The following JAG2 variants were observed in gnomAD, a reference collection of about 807,000 sequenced individuals.
JAG2 encodes jagged canonical Notch ligand 2, also known as protein jagged-2.
In JAG2, 46 loss-of-function variants were observed where a neutral mutation model predicts 141.7. The observed-to-expected ratio is 0.32, with a 90% CI of 0.26 to 0.42. The LOEUF (loss-of-function observed/expected upper bound fraction) is 0.42. Among genes scored for constraint, JAG2 ranks in the 10% least tolerant of loss-of-function variants. The pLI, the probability that JAG2 is intolerant of heterozygous loss-of-function variation, is 1.00. For missense variants in JAG2, 1,500 were observed against 1,817.5 expected, an observed-to-expected ratio of 0.83 and a Z score of 3.18; for synonymous variants, 862 against 763.5, an observed-to-expected ratio of 1.13 and a Z score of -2.13.
intron 24 of JAG2, among the ~76,000 whole-genome samples, 162 bp downstream of exon 24, chr14:105,144,768 G>A (rs1019710508): frequency 2.0e-5 from 3 of 152,200 alleles, no homozygotes; most frequent in East Asian, 3.8e-4. Flanking sequence ...GCAGTTCCAC[G>A]GGTCTGCGGC....
chr14:105,147,149 TA>T lies in JAG2; in HGVS notation c.2479+176del, dbSNP rs587725877. 302 of 656,384 alleles carry T rather than the reference TA, an allele frequency of 4.6e-4. 5 individuals carry two copies. The highest frequency in any genetic ancestry group is 4.5e-3 in the African/African-American group (254 of 56,364). The allele number at this position is 656,384 out of a possible 1,614,324, so 40.7% of individuals were successfully genotyped here. On this transcript the variant is annotated intron_variant, in intron 20 of 25. Coordinates refer to ENST00000331782, the MANE Select transcript of JAG2 (RefSeq NM_002226.5). ...CTCCCCACTTAATCACTTGGCAGGG[TA>T]TACAGCAGGAACCCCACAGGGCACA...
At position 105,143,117 on chromosome 14, in the gene JAG2, C is replaced by T. The variant is rs761606083; in HGVS notation, c.3295G>A (p.Val1099Met). ...CGTGTCCACCACACGCACAGGACCA[C>T]GCACGCCAGCCACAGCACGCTGAAG... is the stretch of plus-strand genomic sequence containing the variant. The part of the protein sequence containing the change: ...GAFSVLWLAC[V>M]VLCVWWTRKR... Residue 1099 changes from valine to methionine, a missense_variant, in exon 26 of 26, where the codon GTG (valine) becomes ATG (methionine). Around this residue, in one of 3 missense-constraint regions of JAG2, gnomAD observed 425 missense variants for 441.0 expected, o/e 0.96. Coordinates refer to ENST00000331782, the MANE Select transcript of JAG2 (RefSeq NM_002226.5). 24 of 1,598,824 alleles carry T rather than the reference C, an allele frequency of 1.5e-5. No individual in the cohort carries two copies. Among genetic ancestry groups the T allele is most frequent in the South Asian group, 4.4e-5 (4 of 91,064 alleles).
chr14:105,168,385 C>T lies in JAG2; in HGVS notation c.36G>A (p.Arg12=). The change falls in exon 1 of 26, where the codon CGG becomes CGA. Residue 12 remains arginine, a synonymous_variant. Coordinates refer to ENST00000331782, the MANE Select transcript of JAG2 (RefSeq NM_002226.5). ...CCCAGAGCGCCAGCAGCAGCAGCAG[C>T]CGCCGGGGAAGGCGCCCCCGGCCCT... ...RAQGRGRLPR[R]LLLLLALWVQ... 1 of 1,034,078 alleles carries T rather than the reference C, an allele frequency of 9.7e-7. No individual in the cohort carries two copies. Among genetic ancestry groups the T allele is most frequent in the African/African-American group, 1.7e-5 (1 of 57,428 alleles). 64.1% of individuals were successfully genotyped at this position (1,034,078 alleles called of 1,614,324 possible).
Position 105,151,984 on chromosome 14 carries a change from G to C in JAG2, c.993C>G (p.Tyr331Ter). The C allele has an allele frequency of 6.2e-7, 1 of 1,613,380 alleles. No homozygotes were observed. The highest frequency in any genetic ancestry group is 8.5e-7 in the Non-Finnish European group (1 of 1,180,004). ...AGTAGCCGTCAGGGCAGGTGCAGCG[G>C]TACTGGTCAGGCTCGGCGTTGATGC... Reference protein sequence around the residue: ...GTCINAEPDQYRCTCPDGYSG... With the variant: ...GTCINAEPDQ Residue 331 changes from tyrosine (Y) to a stop codon, truncating the protein, a stop_gained, in exon 7 of 26, where the codon TAC becomes TAG. Transcript: ENST00000331782. LOFTEE classifies it high-confidence loss of function.
intron 2 of JAG2, among the ~76,000 whole-genome samples, chr14:105,166,606 G>C (rs1435633591): frequency 6.6e-6 from 1 of 152,214 alleles, no homozygotes; most frequent in Non-Finnish European, 1.5e-5. Flanking sequence ...TCAGGAAGCG[G>C]TGAGGATGGG....
chr14:105,154,175 C>T lies in JAG2; in HGVS notation c.788+1387G>A, dbSNP rs889930465. ...CAACTCAGCTGGTTCCCAAACTCCC[C>T]GACTCCTCTCCAAAACGCCACGCTG... is the stretch of plus-strand genomic sequence containing the variant. On this transcript the variant is annotated intron_variant, in intron 5 of 25. Coordinates refer to ENST00000331782, the MANE Select transcript of JAG2 (RefSeq NM_002226.5). The surrounding 1 kb of genome is among the most constrained non-coding windows in gnomAD (Gnocchi z 4.4). 1.3e-5 allele frequency among the ~76,000 whole-genome samples: 2 copies of T among 152,184 alleles called. No homozygotes were observed. The highest frequency in any genetic ancestry group is 2.1e-4 in the South Asian group (1 of 4,830).
chr14:105,162,701 G>A (rs1566770235), intron 2 of JAG2, among the ~76,000 whole-genome samples: 2 of 34,746 alleles, frequency 5.8e-5, no homozygotes, highest in Non-Finnish European at 1.3e-4. Context: ...CCAAAGTACA[G>A]AGTACCCTCC....
At position 105,147,804 on chromosome 14, in the gene JAG2, C is replaced by T. The variant is rs764502347; in HGVS notation, c.2333G>A (p.Arg778Gln). ...GCAAGTACGACCCTCCCAGCCGTCC[C>T]GGCAGATGCAGGAGAAGGAGGCCCC... ...GSGASFSCIC[R>Q]DGWEGRTCTH... Residue 778 changes from arginine (R) to glutamine (Q), a missense_variant, in exon 18 of 26, where the codon CGG becomes CAG. By Grantham distance (43) the Arg-to-Gln change is conservative. Coordinates refer to ENST00000331782, the MANE Select transcript of JAG2 (RefSeq NM_002226.5). 2.7e-5 allele frequency: 42 copies of T among 1,549,202 alleles called. No individual in the cohort carries two copies. The highest frequency in any genetic ancestry group is 1.3e-4 in the South Asian group (11 of 84,012).
rs1888255826 is a variant in JAG2 at position 105,147,351 on chromosome 14, G to A, written c.2454C>T (p.Gly818=). 1 of 1,574,570 alleles carries A rather than the reference G, an allele frequency of 6.4e-7. No individual in the cohort carries two copies. The highest frequency in any genetic ancestry group is 8.6e-7 in the Non-Finnish European group (1 of 1,160,550). The change falls in exon 20 of 26, where the codon GGC becomes GGT. Residue 818 remains glycine (G), a synonymous_variant. Transcript: ENST00000331782. The part of the protein sequence containing the change: ...VNWFRCECAP[G]FAGPDCRINI... ...TGATGCGGCAGTCAGGCCCCGCGAA[G>A]CCAGGTGCACACTCGCAGCGGAACC...
intron 2 of JAG2, among the ~76,000 whole-genome samples, chr14:105,163,858 C>A (rs1888832173): frequency 6.6e-6 from 1 of 150,390 alleles, no homozygotes; most frequent in Non-Finnish European, 1.5e-5. Context: ...GGTCTGGGGA[C>A]AGGGACCCCG....
chr14:105,142,794 G>C lies in JAG2; in HGVS notation c.3618C>G (p.Gly1206=). 6.2e-7 allele frequency: 1 copy of C among 1,610,774 alleles called. No individual in the cohort carries two copies. Reference sequence around the variant, plus strand: ...AGTGGGCCGGCCTCCCCGGCGAGCGGCCAGGATCTTTGGTGAATTTGTGTG... The same window carrying C: ...AGTGGGCCGGCCTCCCCGGCGAGCGCCCAGGATCTTTGGTGAATTTGTGTG... ...FLSHKFTKDP[G]RSPGRPAHWA... The change falls in exon 26 of 26, where the codon GGC becomes GGG. Residue 1206 remains glycine, a synonymous_variant. Coordinates refer to ENST00000331782, the MANE Select transcript of JAG2 (RefSeq NM_002226.5).
chr14:105,144,805 C>G (rs1566759024), intron 24 of JAG2, 125 bp downstream of exon 24: 9 of 1,270,368 alleles, frequency 7.1e-6, no homozygotes, highest in Admixed American at 2.0e-5. Flanking sequence ...CGCAGGGAGA[C>G]AGGCCTGCCC....
At chr14:105,157,898 C>T (rs1241109583) in intron 2 of JAG2, 135 bp from the exon 3 acceptor site, 1 of 787,816 alleles carries the variant, frequency 1.3e-6, no homozygotes, top group African/African-American at 1.7e-5. Flanking sequence ...GCCAGGGACC[C>T]ACCACCCTCC....
chr14:105,143,819 T>G (rs1441590752), intron 24 of JAG2, among the ~76,000 whole-genome samples, 181 bp from the exon 25 acceptor site: 13 of 123,060 alleles, frequency 1.1e-4, no homozygotes, highest in African/African-American at 2.3e-4. Context: ...GGGGGAGGAG[T>G]GGAGGGGTGG....
rs1888334120 is a variant in JAG2, at chr14:105,149,235, G to A, written c.1688C>T (p.Pro563Leu). The change falls in exon 13 of 26, where the codon CCT (proline) becomes CTT (leucine). Residue 563 changes from proline (P) to leucine (L), a missense_variant. Physicochemically the swap from Pro to Leu is moderately conservative, Grantham distance 98. Transcript: ENST00000331782. ...GCAGTTCTTGCCACCAAAGTCATCA[G>A]GGCAGGCGCAGTAATAGTCACCCTC... Reference protein sequence around the residue: ...NLEGDYYCACPDDFGGKNCSV... With the variant: ...NLEGDYYCACLDDFGGKNCSV... 4 of 1,611,402 alleles carry A rather than the reference G, an allele frequency of 2.5e-6. No individual in the cohort carries two copies. The highest frequency in any genetic ancestry group is 3.4e-6 in the Non-Finnish European group (4 of 1,179,642).
chr14:105,153,646 G>A (rs1471117247), intron 5 of JAG2, among the ~76,000 whole-genome samples: 3 of 151,462 alleles, frequency 2.0e-5, no homozygotes, highest in Admixed American at 6.5e-5. Context: ...AACCTGAGCC[G>A]AGGCTGTCAG....
chr14:105,156,584 C>A (rs1290210633), intron 3 of JAG2, among the ~76,000 whole-genome samples: 1 of 152,036 alleles, frequency 6.6e-6, no homozygotes, highest in Non-Finnish European at 1.5e-5. Context: ...GACCAGGGGC[C>A]AGGGGCACCA....
At position 105,147,386 on chromosome 14, in the gene JAG2, C is replaced by A. The variant is rs756157030; in HGVS notation, c.2419G>T (p.Gly807Cys). The change falls in exon 20 of 26, where the codon GGC (glycine) becomes TGC (cysteine). Residue 807 changes from glycine (G) to cysteine (C), a missense_variant. Physicochemically the swap from Gly to Cys is radical, Grantham distance 159 (BLOSUM62 -3). Transcript: ENST00000331782. ...CACTCGCAGCGGAACCAGTTGACGC[C>A]GTCAACACAGATGCCACCATTGTAG... is the stretch of plus-strand genomic sequence containing the variant. ...PCYNGGICVDGVNWFRCECAP... is the reference protein window; with the variant it reads ...PCYNGGICVDCVNWFRCECAP... The A allele has an allele frequency of 6.2e-7, 1 of 1,603,116 alleles. No homozygotes were observed. Among genetic ancestry groups the A allele is most frequent in the Non-Finnish European group, 8.5e-7 (1 of 1,175,592 alleles).
intron 18 of JAG2, 44 bp downstream of exon 18, chr14:105,147,727 TG>T: frequency 1.5e-6 from 2 of 1,371,030 alleles, no homozygotes; most frequent in Non-Finnish European, 2.0e-6. Context: ...GGATGTCATC[TG>T]GGTGGAGGAA....
Sources: allele counts gnomAD v4.1 joint callset (sites outside exome capture counted in the v4.1 genomes callset), GRCh38; gene constraint gnomAD v4.1.1; regional missense constraint gnomAD v4.1.1; non-coding constraint Gnocchi (gnomAD v3.1); transcripts MANE v1.5; gene names NCBI Gene and HGNC (gene_info 2026-07-23, HGNC 2026-07-21).